Variants in LCORL observed in about 807,000 individuals in gnomAD.
LCORL encodes ligand-dependent nuclear receptor corepressor-like protein.
LCORL carries 41 observed loss-of-function variants against 141.8 expected under a neutral mutation model. That is an observed-to-expected ratio of 0.29 (90% confidence interval 0.23 to 0.38). The LOEUF is 0.38. Ranked by LOEUF, LCORL falls within the 10% of genes least tolerant of loss-of-function variation. The probability of loss-of-function intolerance (pLI) is 1.00; values close to 1 mark genes in which losing one functional copy is unlikely to be tolerated. For synonymous variants in LCORL, 618 were observed against 694.1 expected (o/e 0.89, Z 1.72); for missense variants, 1,759 against 2,035.0 (o/e 0.86, Z 2.61).
intron 1 of LCORL, among the ~76,000 whole-genome samples, chr4:17,978,781 G>A (rs1717453462): frequency 6.6e-6 from 1 of 152,122 alleles, no homozygotes; most frequent in Admixed American, 6.5e-5. Context: ...TTTTCAGCCA[G>A]ATTCAAGGGC....
At chr4:17,851,801 G>A (rs1723754629) in intron 7 of LCORL, among the ~76,000 whole-genome samples, 1 of 152,086 alleles carries the variant, frequency 6.6e-6, no homozygotes, top group Admixed American at 6.5e-5. Context: ...TGTGTGAAGA[G>A]GTCTTTCATT....
chr4:17,883,304 A>G, intron 6 of LCORL: 5 of 992,922 alleles, frequency 5.0e-6, no homozygotes, highest in South Asian at 4.6e-5. Context: ...GAATGTTTAT[A>G]AACTATGAAT....
intron 4 of LCORL, among the ~76,000 whole-genome samples, chr4:17,935,316 C>A (rs1221046699): frequency 6.6e-6 from 1 of 152,046 alleles, no homozygotes; most frequent in Admixed American, 6.6e-5. Flanking sequence ...TAGAAAATAA[C>A]TACTACTTAA....
chr4:17,876,189 A>G (rs1363633481), exon 7 of LCORL: 5 of 1,230,968 alleles, frequency 4.1e-6, no homozygotes, highest in Admixed American at 4.2e-5. Flanking sequence ...ACTGGAAATC[A>G]AGCGACCCAT....
At chr4:17,978,922 T>A (rs549508806) in intron 1 of LCORL, among the ~76,000 whole-genome samples, 1 of 152,274 alleles carries the variant, frequency 6.6e-6, no homozygotes, top group South Asian at 2.1e-4. Flanking sequence ...TTTTTTATTT[T>A]TTATTATTAT....
At chr4:17,843,267 G>A (rs1722599036) in exon 8 of LCORL, 1 of 1,587,250 alleles carries the variant, frequency 6.3e-7, no homozygotes, top group Non-Finnish European at 8.6e-7. Flanking sequence ...TTTAAAGCTT[G>A]TATCTAAATT....
intron 4 of LCORL, among the ~76,000 whole-genome samples, chr4:17,914,955 T>C (rs182637256): frequency 2.5e-4 from 38 of 152,294 alleles, no homozygotes; most frequent in African/African-American, 6.3e-4. Flanking sequence ...GTGTAACCAA[T>C]AGCGTACTGC....
intron 7 of LCORL, among the ~76,000 whole-genome samples, chr4:17,849,813 A>G (rs535468026): frequency 2.8e-4 from 42 of 152,170 alleles, no homozygotes; most frequent in African/African-American, 9.9e-4. Context: ...AAAAGAGCCC[A>G]CATCGCCAAG....
chr4:17,988,895 A>T (rs959455371), intron 1 of LCORL, among the ~76,000 whole-genome samples: 4 of 152,136 alleles, frequency 2.6e-5, no homozygotes, highest in African/African-American at 9.7e-5. Flanking sequence ...AAGGCAGGAG[A>T]ATCGTTTGAA....
At chr4:17,903,734 G>A (rs973909431) in intron 5 of LCORL, among the ~76,000 whole-genome samples, 4 of 151,970 alleles carry the variant, frequency 2.6e-5, no homozygotes, top group African/African-American at 9.7e-5. Flanking sequence ...GTTTTCCTCA[G>A]GGTAACCATA....
At chr4:17,870,056 T>TC (rs1726152399) in intron 7 of LCORL, among the ~76,000 whole-genome samples, 1 of 152,146 alleles carries the variant, frequency 6.6e-6, no homozygotes, top group Admixed American at 6.5e-5. Context: ...CTCAGTAGCT[T>TC]CATTGTTTTA....
At chr4:17,907,727 G>A (rs1292874635) in intron 5 of LCORL, among the ~76,000 whole-genome samples, 1 of 152,076 alleles carries the variant, frequency 6.6e-6, no homozygotes. Context: ...GCTTTTTAAA[G>A]CTCATCAGCT....
chr4:17,961,278 A>T (rs1713733887), intron 4 of LCORL, among the ~76,000 whole-genome samples: 1 of 152,100 alleles, frequency 6.6e-6, no homozygotes. Flanking sequence ...ACATTTCTCT[A>T]ATTCTCCCAA....
intron 1 of LCORL, among the ~76,000 whole-genome samples, chr4:17,998,985 A>AAAAAAATATATAT: frequency 1.7e-5 from 1 of 57,890 alleles, no homozygotes; most frequent in Non-Finnish European, 3.3e-5. Flanking sequence ...AAAAAAAAAA[A>AAAAAAATATATAT]ATATATATAT....
At chr4:17,843,680 A>T (rs1722649768) in exon 8 of LCORL, 2 of 286,150 alleles carry the variant, frequency 7.0e-6, no homozygotes, top group South Asian at 1.3e-4. Context: ...ATTTTTAAAT[A>T]GTCTCTCCAA....
chr4:17,902,440 C>T (rs540467905), intron 5 of LCORL, among the ~76,000 whole-genome samples: 1 of 152,124 alleles, frequency 6.6e-6, no homozygotes, highest in African/African-American at 2.4e-5. Context: ...ATGTTTTTAG[C>T]CACAGAAAAC....
intron 4 of LCORL, among the ~76,000 whole-genome samples, chr4:17,939,893 CAT>C (rs900356773): frequency 6.7e-6 from 1 of 150,114 alleles, no homozygotes; most frequent in African/African-American, 2.5e-5. Context: ...CACACACACA[CAT>C]ATATGTATAT....
At chr4:17,950,445 T>C (rs747836461) in intron 4 of LCORL, among the ~76,000 whole-genome samples, 2 of 152,200 alleles carry the variant, frequency 1.3e-5, no homozygotes, top group Non-Finnish European at 2.9e-5. Context: ...TTCAAGCATA[T>C]TGATGATGAA....
chr4:17,964,677 T>C (rs1714509441), intron 2 of LCORL, among the ~76,000 whole-genome samples: 1 of 152,102 alleles, frequency 6.6e-6, no homozygotes, highest in Non-Finnish European at 1.5e-5. Flanking sequence ...CCATACAACG[T>C]AAGAAGAACT....
Sources: allele counts gnomAD v4.1 joint callset (sites outside exome capture counted in the v4.1 genomes callset), GRCh38; gene constraint gnomAD v4.1.1; transcripts MANE v1.5; gene names NCBI Gene and HGNC (gene_info 2026-07-23, HGNC 2026-07-21).